The following RBFOX2 variants were observed in gnomAD, a reference collection of about 807,000 sequenced individuals.
RBFOX2 encodes RNA binding protein fox-1 homolog 2.
Under a neutral mutation model 49.1 loss-of-function variants are expected in RBFOX2, and 10 were observed. That is an observed-to-expected ratio of 0.20 (90% CI 0.13 to 0.35). RBFOX2 has a LOEUF of 0.35. Ranked by LOEUF, RBFOX2 falls within the 10% of genes least tolerant of loss-of-function variation. The pLI, the probability that RBFOX2 is intolerant of heterozygous loss-of-function variation, is 1.00. For synonymous variants in RBFOX2, 183 were observed against 187.4 expected, an observed-to-expected ratio of 0.98 and a Z score of 0.19; for missense variants, 323 against 486.9, an observed-to-expected ratio of 0.66 and a Z score of 3.17.
intron 2 of RBFOX2, among the ~76,000 whole-genome samples, chr22:35,792,954 G>A (rs776846764): frequency 7.9e-5 from 12 of 152,180 alleles, no homozygotes; most frequent in Non-Finnish European, 1.6e-4. Flanking sequence ...CTTGGAGACA[G>A]GGTCTCCCAA....
chr22:35,748,675 C>G (rs1360754219), intron 9 of RBFOX2: 1 of 152,090 alleles, frequency 6.6e-6, no homozygotes, highest in African/African-American at 2.4e-5. Context: ...CAGCATTTTA[C>G]TCTTTAGTAT....
intron 1 of RBFOX2, among the ~76,000 whole-genome samples, chr22:36,016,456 C>T (rs1201062117): frequency 6.6e-6 from 1 of 151,784 alleles, no homozygotes; most frequent in Non-Finnish European, 1.5e-5. Context: ...TAGAATCTGA[C>T]AAAAATCAAT....
upstream of RBFOX2, among the ~76,000 whole-genome samples, chr22:35,965,294 T>G (rs929726996): frequency 2.0e-5 from 3 of 152,210 alleles, no homozygotes; most frequent in South Asian, 2.1e-4. Context: ...AATTGAGAGA[T>G]ATGACCAGCT....
At chr22:35,789,047 C>A (rs888366758) in intron 2 of RBFOX2, among the ~76,000 whole-genome samples, 1 of 152,080 alleles carries the variant, frequency 6.6e-6, no homozygotes, top group South Asian at 2.1e-4. Flanking sequence ...CGGCCAAATG[C>A]TTATCAGAAT....
rs190674601 is a variant in RBFOX2, at chr22:35,861,830, T to C, written c.-33-51826A>G. On this transcript the variant is annotated intron_variant, in intron 1 of 13. Transcript: ENST00000359369. ...TAAAGAATATGAATATGAATACTCA[T>C]AAAAAATCTATTTGTCTGGCCTAAA... Among the ~76,000 whole-genome samples, 221 of 152,218 alleles carry C rather than the reference T, an allele frequency of 1.5e-3. 1 individual carries two copies. The highest frequency in any genetic ancestry group is 3.4e-3 in the Middle Eastern group (1 of 294).
At chr22:35,768,692 C>T (rs1422765531) in intron 4 of RBFOX2, among the ~76,000 whole-genome samples, 1 of 152,142 alleles carries the variant, frequency 6.6e-6, no homozygotes, top group East Asian at 1.9e-4. Context: ...ACCTTTCTCT[C>T]TCAATTCATG....
intron 1 of RBFOX2, among the ~76,000 whole-genome samples, chr22:35,928,404 CTCT>C (rs1254239940): frequency 6.6e-6 from 1 of 152,224 alleles, no homozygotes; most frequent in East Asian, 1.9e-4. Context: ...AGCACAATTT[CTCT>C]TCATCACATG....
intron 1 of RBFOX2, among the ~76,000 whole-genome samples, chr22:35,905,010 A>G (rs2048975398): frequency 1.3e-5 from 2 of 152,234 alleles, no homozygotes; most frequent in South Asian, 2.1e-4. Flanking sequence ...GGTAATAACC[A>G]GGAAGCAAAA....
At chr22:35,753,939 C>T (rs1392485825) in intron 9 of RBFOX2, among the ~76,000 whole-genome samples, 2 of 151,758 alleles carry the variant, frequency 1.3e-5, no homozygotes, top group African/African-American at 4.8e-5. Flanking sequence ...TGTGCCACCA[C>T]GCCTGGCTAA....
chr22:35,750,339 T>G, intron 9 of RBFOX2: 1 of 881,552 alleles, frequency 1.1e-6, no homozygotes. Context: ...TGATGTGTAT[T>G]GCTTTTAACC....
At chr22:36,001,539 C>T (rs1480506520) in intron 1 of RBFOX2, among the ~76,000 whole-genome samples, 1 of 152,072 alleles carries the variant, frequency 6.6e-6, no homozygotes, top group Non-Finnish European at 1.5e-5. Context: ...GGTGGGGGAT[C>T]ACTTAAGGCC....
chr22:35,866,828 C>T (rs748176633), intron 1 of RBFOX2, among the ~76,000 whole-genome samples: 6 of 152,302 alleles, frequency 3.9e-5, no homozygotes, highest in African/African-American at 9.6e-5. Context: ...CTCCCACTCA[C>T]GCCAGGAAAG....
At chr22:35,809,980 G>A in exon 2 of RBFOX2, 1 of 1,614,106 alleles carries the variant, frequency 6.2e-7, no homozygotes, top group Non-Finnish European at 8.5e-7. Flanking sequence ...ATTGCGTCAG[G>A]AGTTGTTGTC....
At chr22:35,821,455 G>T (rs993857845) in intron 1 of RBFOX2, among the ~76,000 whole-genome samples, 36 of 151,814 alleles carry the variant, frequency 2.4e-4, no homozygotes, top group African/African-American at 8.5e-4. Context: ...TATTAGTGGG[G>T]TGTAGTGGAG....
At chr22:36,018,353 A>T (rs1413675058) in intron 1 of RBFOX2, among the ~76,000 whole-genome samples, 1 of 152,220 alleles carries the variant, frequency 6.6e-6, no homozygotes, top group African/African-American at 2.4e-5. Flanking sequence ...TTAAAGATTG[A>T]GCCTTACAAA....
At chr22:35,891,446 T>A (rs2047233532) in intron 1 of RBFOX2, among the ~76,000 whole-genome samples, 1 of 151,946 alleles carries the variant, frequency 6.6e-6, no homozygotes, top group African/African-American at 2.4e-5. Flanking sequence ...GCACACTATG[T>A]CTTTAATCTT....
chr22:35,994,297 AAC>A (rs1161136373), intron 1 of RBFOX2: 11 of 152,072 alleles, frequency 7.2e-5, no homozygotes, highest in Non-Finnish European at 1.5e-4. Flanking sequence ...TAAAAATCTC[AAC>A]ATAGTATCTT....
chr22:35,830,085 T>C (rs925277194), intron 1 of RBFOX2, among the ~76,000 whole-genome samples: 3 of 152,180 alleles, frequency 2.0e-5, no homozygotes, highest in Non-Finnish European at 4.4e-5. Flanking sequence ...AAGCATTAGG[T>C]TACAAGTGAC....
At chr22:35,851,432 GAAATA>G (rs2041921195) in intron 1 of RBFOX2, among the ~76,000 whole-genome samples, 2 of 152,194 alleles carry the variant, frequency 1.3e-5, no homozygotes, top group African/African-American at 4.8e-5. Context: ...GTTTATGGGA[GAAATA>G]GATAAGGACA....
Sources: allele counts gnomAD v4.1 joint callset (sites outside exome capture counted in the v4.1 genomes callset), GRCh38; gene constraint gnomAD v4.1.1; transcripts MANE v1.5; gene names NCBI Gene and HGNC (gene_info 2026-07-23, HGNC 2026-07-21).